The following UNC13B variants were observed in gnomAD, a reference collection of about 807,000 sequenced individuals.
UNC13B encodes the protein unc-13 homolog B.
A neutral mutation model predicts 211.0 loss-of-function variants in UNC13B; 144 were observed. That is an observed-to-expected ratio of 0.68 (90% CI 0.60 to 0.78). The LOEUF (loss-of-function observed/expected upper bound fraction) is 0.78, where lower values mean the gene tolerates loss of function less well. Ranked by LOEUF, UNC13B falls within the 30% of genes least tolerant of loss-of-function variation. The pLI, the probability that UNC13B is intolerant of heterozygous loss-of-function variation, is 0.00. For synonymous variants in UNC13B, 709 were observed against 725.8 expected (o/e 0.98, Z 0.37); for missense variants, 1,777 against 2,002.0 (o/e 0.89, Z 2.14).
chr9:35,376,075 T>G lies in UNC13B; in HGVS notation c.9663T>G (p.Ile3221Met), dbSNP rs1405622165. The change falls in exon 15 of 40, where the codon ATT becomes ATG. Residue 3221 changes from isoleucine (I) to methionine (M), a missense_variant. Physicochemically the swap from Ile to Met is conservative, Grantham distance 10. Coordinates refer to ENST00000635942, the MANE Select transcript of UNC13B (RefSeq NM_001371189.2). ...CCCTGCAGGCCTTAATCTACCCCAT[T>G]TCGTGCACCACTCCTCATAACTTTG... ...KKTLQALIYP[I>M]SCTTPHNFEV... 1.9e-6 allele frequency: 3 copies of G among 1,614,102 alleles called. No individual in the cohort carries two copies. The African/African-American group carries it at 4.0e-5, about 22-fold the overall frequency.
intron 26 of UNC13B, among the ~76,000 whole-genome samples, chr9:35,391,423 CA>C (rs1835527081): frequency 6.6e-6 from 1 of 152,138 alleles, no homozygotes; most frequent in Non-Finnish European, 1.5e-5. Flanking sequence ...GCCATCTGGG[CA>C]AGGACAAAGC....
intron 32 of UNC13B, 26 bp from the exon 33 acceptor site, chr9:35,398,856 A>G: frequency 1.2e-6 from 2 of 1,604,170 alleles, no homozygotes; most frequent in Non-Finnish European, 8.5e-7. Flanking sequence ...GGGGAGGGAA[A>G]GGCTACACTG....
At chr9:35,175,200 A>G (rs1821558422) in intron 1 of UNC13B, among the ~76,000 whole-genome samples, 1 of 152,228 alleles carries the variant, frequency 6.6e-6, no homozygotes, top group South Asian at 2.1e-4. Context: ...AGATATATTG[A>G]ATTGAATGTA....
chr9:35,206,872 C>CAAAA (rs35378310), intron 1 of UNC13B, among the ~76,000 whole-genome samples: 1 of 113,106 alleles, frequency 8.8e-6, no homozygotes, highest in East Asian at 2.5e-4. Context: ...GACTCCATCT[C>CAAAA]AAAAAAAAAA....
chr9:35,257,283 A>C, intron 6 of UNC13B, among the ~76,000 whole-genome samples: 1 of 127,778 alleles, frequency 7.8e-6, no homozygotes, highest in Admixed American at 8.3e-5. Context: ...ACGTGGTGAA[A>C]CCCCCATTTT....
intron 7 of UNC13B, among the ~76,000 whole-genome samples, chr9:35,277,126 C>T (rs552149233): frequency 7.2e-5 from 11 of 152,138 alleles, no homozygotes; most frequent in South Asian, 2.1e-4. Context: ...CAGGGAGTGA[C>T]GCTTGGTTGT....
chr9:35,189,783 C>T (rs1822553214), intron 1 of UNC13B, among the ~76,000 whole-genome samples: 1 of 152,216 alleles, frequency 6.6e-6, no homozygotes, highest in Non-Finnish European at 1.5e-5. Context: ...GATTCTCCTG[C>T]CTCAGCCTCC....
intron 7 of UNC13B, among the ~76,000 whole-genome samples, chr9:35,282,426 GTTTGT>G (rs1194987097): frequency 6.6e-6 from 1 of 151,322 alleles, no homozygotes. Flanking sequence ...AATTTTTTTT[GTTTGT>G]TTTGTTTTGT....
chr9:35,349,307 G>C (rs1406054244), intron 11 of UNC13B, among the ~76,000 whole-genome samples: 1 of 137,034 alleles, frequency 7.3e-6, no homozygotes, highest in Non-Finnish European at 1.5e-5. Context: ...CTAATACCAA[G>C]AGCAAATCAG....
intron 7 of UNC13B, among the ~76,000 whole-genome samples, chr9:35,295,050 G>A (rs1171239130): frequency 6.6e-6 from 1 of 152,138 alleles, no homozygotes; most frequent in Non-Finnish European, 1.5e-5. Context: ...CTAGGGTGTA[G>A]GTGCTTGACA....
chr9:35,308,670 C>T (rs550460212), intron 9 of UNC13B, among the ~76,000 whole-genome samples: 6 of 152,188 alleles, frequency 3.9e-5, no homozygotes, highest in East Asian at 1.9e-4. Flanking sequence ...GCTGGGCCCC[C>T]GATATTTACT....
At position 35,367,120 on chromosome 9, in the gene UNC13B, A is replaced by C. The variant is rs17849235; in HGVS notation, c.9461+127A>C. On this transcript the variant is annotated intron_variant, in intron 12 of 39. Coordinates refer to ENST00000635942, the MANE Select transcript of UNC13B (RefSeq NM_001371189.2). The stretch of plus-strand genomic sequence containing the variant: ...TCCTGGGGAAGGAAAAGGTTCCACT[A>C]TAGGTTGGTTGGTTCTCTGAGGCAG... 5.5e-3 allele frequency: 5,202 copies of C among 948,022 alleles called. 172 individuals carry two copies. The East Asian group carries it at 0.083, about 15-fold the overall frequency. The allele number at this position is 948,022 out of a possible 1,614,324, so 58.7% of individuals were successfully genotyped here.
intron 22 of UNC13B, chr9:35,384,701 G>T: frequency 1.0e-6 from 1 of 985,414 alleles, no homozygotes. Flanking sequence ...TCCAGCGGAG[G>T]TGTGAGAATC....
At position 35,162,241 on chromosome 9, in the gene UNC13B, C is replaced by T. The variant is rs772709965; in HGVS notation, c.-43C>T. 18 of 1,542,120 alleles carry T rather than the reference C, an allele frequency of 1.2e-5. 1 individual carries two copies. The South Asian group carries it at 2.1e-4, about 18-fold the overall frequency. ...TGCTGAGAGGAAAGAGGGAGCGGTC[C>T]GGCGCGGCTGGGGCGCGGCAGAGGC... On this transcript the variant is annotated 5_prime_UTR_variant, in exon 1 of 40. Coordinates refer to ENST00000635942, the MANE Select transcript of UNC13B (RefSeq NM_001371189.2).
chr9:35,176,208 T>C (rs1821625421), intron 1 of UNC13B, among the ~76,000 whole-genome samples: 1 of 151,728 alleles, frequency 6.6e-6, no homozygotes, highest in Non-Finnish European at 1.5e-5. Context: ...TGGGGATGAT[T>C]TAGAGAGCTT....
intron 14 of UNC13B, 61 bp downstream of exon 14, chr9:35,375,262 G>A (rs1381830701): frequency 5.8e-6 from 9 of 1,546,082 alleles, no homozygotes; most frequent in Middle Eastern, 1.7e-4. Flanking sequence ...CATCTCTGTA[G>A]CCATGCTATT....
At chr9:35,280,302 A>G (rs942043593) in intron 7 of UNC13B, among the ~76,000 whole-genome samples, 1 of 152,186 alleles carries the variant, frequency 6.6e-6, no homozygotes, top group Non-Finnish European at 1.5e-5. Flanking sequence ...ATAAATGAAA[A>G]GTAGGAAGAA....
intron 3 of UNC13B, among the ~76,000 whole-genome samples, chr9:35,233,336 C>T (rs1215637839): frequency 1.3e-5 from 2 of 152,114 alleles, no homozygotes; most frequent in African/African-American, 4.8e-5. Context: ...TTCCAATTTC[C>T]CATAGCACTT....
chr9:35,271,601 A>T (rs1183963713), intron 7 of UNC13B, among the ~76,000 whole-genome samples: 3 of 152,200 alleles, frequency 2.0e-5, no homozygotes, highest in African/African-American at 7.2e-5. Context: ...TTTCTAAGGT[A>T]TTTACACTTC....
Sources: allele counts gnomAD v4.1 joint callset (sites outside exome capture counted in the v4.1 genomes callset), GRCh38; gene constraint gnomAD v4.1.1; transcripts MANE v1.5; gene names NCBI Gene and HGNC (gene_info 2026-07-23, HGNC 2026-07-21).